The following WDPCP variants were observed in gnomAD, a reference collection of about 807,000 sequenced individuals.
WDPCP encodes the protein WD repeat-containing and planar cell polarity effector protein fritz homolog.
In WDPCP, 71 loss-of-function variants were observed where a neutral mutation model predicts 93.1. That is an observed-to-expected ratio of 0.76 (90% confidence interval 0.63 to 0.93). The LOEUF is 0.93. Ranked by LOEUF, WDPCP falls within the 40% of genes least tolerant of loss-of-function variation. WDPCP has a pLI of 0.00. For missense variants in WDPCP, 844 were observed against 887.4 expected (o/e 0.95, Z 0.62); for synonymous variants, 315 against 315.0 (o/e 1.00, Z 0.00).
intron 14 of WDPCP, among the ~76,000 whole-genome samples, chr2:63,185,482 G>T (rs550358070): frequency 6.6e-6 from 1 of 151,958 alleles, no homozygotes; most frequent in South Asian, 2.1e-4. Flanking sequence ...GGTGCATTCA[G>T]TGGCAAAGAC....
intron 12 of WDPCP, among the ~76,000 whole-genome samples, chr2:63,323,552 C>T (rs1187925392): frequency 6.6e-6 from 1 of 152,192 alleles, no homozygotes; most frequent in Non-Finnish European, 1.5e-5. Flanking sequence ...AGGTGTCACT[C>T]TTCCAACCCT....
intron 1 of WDPCP, among the ~76,000 whole-genome samples, chr2:63,575,829 A>G (rs1708078212): frequency 6.6e-6 from 1 of 151,998 alleles, no homozygotes; most frequent in South Asian, 2.1e-4. Flanking sequence ...TAAATGGGAG[A>G]TAATTTATAT....
In WDPCP at chr2:63,210,481, C is replaced by G. The variant is rs1327718776; in HGVS notation, c.1916-35649G>C. Among the ~76,000 whole-genome samples the G allele has an allele frequency of 2.0e-5, 3 of 152,012 alleles. No homozygotes were observed. In the South Asian group the frequency reaches 6.2e-4, roughly 32 times the overall value. On this transcript the variant is annotated intron_variant, in intron 14 of 17. Transcript: ENST00000272321. ...AAATAGTTAATGTAGGGGGAAGTTC[C>G]AAGATGGCGGGATAGGAACAGCTCC...
At chr2:63,561,257 T>C (rs564686125) in intron 1 of WDPCP, among the ~76,000 whole-genome samples, 53 of 152,188 alleles carry the variant, frequency 3.5e-4, no homozygotes, top group African/African-American at 1.2e-3. Flanking sequence ...GGTAGGCGGA[T>C]CATGAGGTCA....
intron 10 of WDPCP, among the ~76,000 whole-genome samples, chr2:63,389,935 A>C (rs999629200): frequency 1.3e-5 from 2 of 152,150 alleles, no homozygotes; most frequent in African/African-American, 4.8e-5. Context: ...AGACTCCCAC[A>C]CAATAATAAT....
At chr2:63,798,673 C>T (rs1670647906) in intron 2 of WDPCP, among the ~76,000 whole-genome samples, 1 of 151,660 alleles carries the variant, frequency 6.6e-6, no homozygotes, top group Non-Finnish European at 1.5e-5. Context: ...AAAAGAAGAC[C>T]ACCAAACAAC....
intron 13 of WDPCP, among the ~76,000 whole-genome samples, chr2:63,296,343 G>T (rs1367333039): frequency 1.3e-5 from 2 of 152,108 alleles, no homozygotes; most frequent in African/African-American, 4.8e-5. Context: ...ACATCATACT[G>T]AATGGAGAAA....
chr2:63,464,207 TTAAA>T (rs1699201420), intron 6 of WDPCP, among the ~76,000 whole-genome samples: 2 of 152,228 alleles, frequency 1.3e-5, no homozygotes, highest in South Asian at 2.1e-4. Context: ...GGCAAAGGAC[TTAAA>T]TAGACATTTC....
At chr2:63,456,756 C>T (rs191554122) in intron 6 of WDPCP, among the ~76,000 whole-genome samples, 1 of 152,274 alleles carries the variant, frequency 6.6e-6, no homozygotes, top group Non-Finnish European at 1.5e-5. Flanking sequence ...GTGGCTCACT[C>T]TTGTAATCCC....
At chr2:63,464,131 T>C (rs567742706) in intron 6 of WDPCP, among the ~76,000 whole-genome samples, 1 of 152,188 alleles carries the variant, frequency 6.6e-6, no homozygotes, top group South Asian at 2.1e-4. Context: ...GAGTTAATCC[T>C]CAAAATACAT....
intron 2 of WDPCP, among the ~76,000 whole-genome samples, chr2:63,796,256 T>C (rs142496960): frequency 1.3e-5 from 2 of 152,270 alleles, no homozygotes; most frequent in Non-Finnish European, 2.9e-5. Flanking sequence ...AAAGAAACAG[T>C]GTTCTTCAGA....
intron 9 of WDPCP, among the ~76,000 whole-genome samples, chr2:63,411,745 G>T (rs1025761585): frequency 6.6e-6 from 1 of 152,014 alleles, no homozygotes; most frequent in African/African-American, 2.4e-5. Flanking sequence ...AGGCTACTGT[G>T]AACACCTTTA....
intron 3 of WDPCP, chr2:63,599,939 G>GTT (rs962689731): frequency 2.0e-5 from 3 of 152,234 alleles, no homozygotes; most frequent in Non-Finnish European, 2.9e-5. Flanking sequence ...ATCTGAGCTA[G>GTT]TTTCCTAGGC....
At chr2:63,349,912 AG>A (rs1380888587) in intron 12 of WDPCP, among the ~76,000 whole-genome samples, 1 of 152,178 alleles carries the variant, frequency 6.6e-6, no homozygotes, top group African/African-American at 2.4e-5. Context: ...GCTAGATTCC[AG>A]CCCTCCTTTT....
At chr2:63,725,844 CTTCTT>C (rs1385053320) in intron 2 of WDPCP, among the ~76,000 whole-genome samples, 3 of 152,072 alleles carry the variant, frequency 2.0e-5, no homozygotes, top group Non-Finnish European at 4.4e-5. Context: ...GCGTGTATGC[CTTCTT>C]TTGAGAAGTG....
chr2:63,811,218 CATCTCTGCTATTCAT>C (rs1260542674), intron 2 of WDPCP, among the ~76,000 whole-genome samples: 2 of 152,214 alleles, frequency 1.3e-5, no homozygotes, highest in African/African-American at 4.8e-5. Context: ...TTGGTGTTCA[CATCTCTGCTATTCAT>C]ACCTCTCTGA....
At chr2:63,285,347 T>C (rs1324812048) in intron 13 of WDPCP, among the ~76,000 whole-genome samples, 1 of 149,216 alleles carries the variant, frequency 6.7e-6, no homozygotes, top group African/African-American at 2.5e-5. Flanking sequence ...GGCGGGAGAA[T>C]GGTGTGAACT....
intron 14 of WDPCP, among the ~76,000 whole-genome samples, chr2:63,187,653 T>C (rs1348160049): frequency 2.0e-5 from 3 of 152,246 alleles, no homozygotes; most frequent in Non-Finnish European, 4.4e-5. Context: ...TTACCTGTTA[T>C]ATATATTGTG....
chr2:63,192,380 GA>G (rs1188032135), intron 14 of WDPCP, among the ~76,000 whole-genome samples: 3 of 151,968 alleles, frequency 2.0e-5, no homozygotes, highest in Admixed American at 6.6e-5. Flanking sequence ...TAAGCTGGGT[GA>G]AAAAAAATGT....
Sources: allele counts gnomAD v4.1 joint callset (sites outside exome capture counted in the v4.1 genomes callset), GRCh38; gene constraint gnomAD v4.1.1; transcripts MANE v1.5; gene names NCBI Gene and HGNC (gene_info 2026-07-23, HGNC 2026-07-21).